ZHX2: variants seen among roughly 807,000 people sequenced by gnomAD.
ZHX2 encodes zinc fingers and homeoboxes 2, also known as zinc fingers and homeoboxes protein 2.
A neutral mutation model predicts 21.9 loss-of-function variants in ZHX2; 6 were observed. The observed-to-expected ratio is 0.27, with a 90% confidence interval of 0.15 to 0.54. The LOEUF (loss-of-function observed/expected upper bound fraction) is 0.54, where lower values mean the gene tolerates loss of function less well. ZHX2 is among the 20% of genes least tolerant of loss of function. The pLI is 0.95. For missense variants in ZHX2, 908 were observed against 1,090.7 expected, an observed-to-expected ratio of 0.83 and a Z score of 2.36; for synonymous variants, 434 against 437.1, an observed-to-expected ratio of 0.99 and a Z score of 0.09.
At chr8:122,966,770 T>C (rs1348806946) in intron 3 of ZHX2, among the ~76,000 whole-genome samples, 3 of 152,230 alleles carry the variant, frequency 2.0e-5, no homozygotes, top group African/African-American at 7.2e-5. Context: ...AAGATTTCTC[T>C]TCTTCCTCAG....
intron 2 of ZHX2, among the ~76,000 whole-genome samples, chr8:122,942,918 A>G (rs949697950): frequency 6.6e-6 from 1 of 152,106 alleles, no homozygotes; most frequent in African/African-American, 2.4e-5. Context: ...CTGTACCTTA[A>G]AGCTTGCTGC....
intron 2 of ZHX2, among the ~76,000 whole-genome samples, chr8:122,875,284 T>A (rs1819545624): frequency 6.6e-6 from 1 of 150,980 alleles, no homozygotes; most frequent in Non-Finnish European, 1.5e-5. Flanking sequence ...GTGTGGCCTG[T>A]GGGCTAAGAA....
intron 2 of ZHX2, among the ~76,000 whole-genome samples, chr8:122,940,168 T>C (rs1020902154): frequency 1.3e-5 from 2 of 152,294 alleles, no homozygotes; most frequent in African/African-American, 2.4e-5. Flanking sequence ...TAGTAAGTAA[T>C]GAAGCCAGGA....
At chr8:122,959,391 T>A (rs1244444834) in intron 3 of ZHX2, among the ~76,000 whole-genome samples, 2 of 150,860 alleles carry the variant, frequency 1.3e-5, no homozygotes, top group African/African-American at 4.9e-5. Flanking sequence ...TTTGAATGAA[T>A]GAATGAACGA....
chr8:122,792,893 C>T (rs1286269180), intron 1 of ZHX2, among the ~76,000 whole-genome samples: 15 of 152,290 alleles, frequency 9.8e-5, no homozygotes, highest in African/African-American at 2.2e-4. Context: ...TGATTCGCAG[C>T]GTACCTCACC....
chr8:122,930,846 G>T (rs1207309531), intron 2 of ZHX2, among the ~76,000 whole-genome samples: 1 of 151,960 alleles, frequency 6.6e-6, no homozygotes, highest in East Asian at 1.9e-4. Context: ...TCAGACCCAT[G>T]GGAAGTAGGG....
At chr8:122,853,393 C>G (rs1425937373) in intron 1 of ZHX2, among the ~76,000 whole-genome samples, 1 of 152,212 alleles carries the variant, frequency 6.6e-6, no homozygotes, top group Non-Finnish European at 1.5e-5. Flanking sequence ...CCAACACATG[C>G]AGACATCACA....
At chr8:122,819,241 A>G (rs920663299) in intron 1 of ZHX2, among the ~76,000 whole-genome samples, 1 of 152,160 alleles carries the variant, frequency 6.6e-6, no homozygotes, top group Non-Finnish European at 1.5e-5. Context: ...CCACCTACCC[A>G]CGAGGTCACC....
At chr8:122,795,493 A>G (rs753783751) in intron 1 of ZHX2, among the ~76,000 whole-genome samples, 3 of 152,116 alleles carry the variant, frequency 2.0e-5, no homozygotes, top group Non-Finnish European at 4.4e-5. Context: ...TTTGTGGCAC[A>G]TAGAGCAATA....
At chr8:122,946,343 C>T (rs957490559) in intron 2 of ZHX2, among the ~76,000 whole-genome samples, 5 of 152,136 alleles carry the variant, frequency 3.3e-5, no homozygotes, top group Non-Finnish European at 7.4e-5. Context: ...ATATTTCTTG[C>T]AGATCCACCA....
chr8:122,806,573 G>A (rs940765920), intron 1 of ZHX2, among the ~76,000 whole-genome samples: 2 of 152,182 alleles, frequency 1.3e-5, no homozygotes, highest in African/African-American at 4.8e-5. Context: ...TGATTACAGA[G>A]AAGAGTACAG....
chr8:122,852,844 T>C (rs1350020873), intron 1 of ZHX2, among the ~76,000 whole-genome samples: 1 of 152,132 alleles, frequency 6.6e-6, no homozygotes, highest in Non-Finnish European at 1.5e-5. Context: ...CTTGCCTCGG[T>C]GGTTTGTAAA....
intron 2 of ZHX2, among the ~76,000 whole-genome samples, chr8:122,943,381 T>G (rs1453785946): frequency 6.6e-6 from 1 of 152,246 alleles, no homozygotes; most frequent in Non-Finnish European, 1.5e-5. Context: ...CGTATCCCAG[T>G]TTTACTGCTC....
chr8:122,911,030 G>A (rs964274864), intron 2 of ZHX2, among the ~76,000 whole-genome samples: 2 of 152,172 alleles, frequency 1.3e-5, no homozygotes, highest in African/African-American at 4.8e-5. Context: ...GAAAACAATA[G>A]GAGGTGTTGT....
intron 3 of ZHX2, among the ~76,000 whole-genome samples, chr8:122,971,808 G>C (rs569398072): frequency 3.3e-4 from 50 of 152,058 alleles, no homozygotes; most frequent in Admixed American, 2.4e-3. Context: ...TCTAGATCTT[G>C]GGAGGAGACA....
At chr8:122,934,646 CCTTCTTTA>C (rs1026367996) in intron 2 of ZHX2, among the ~76,000 whole-genome samples, 18 of 149,208 alleles carry the variant, frequency 1.2e-4, no homozygotes, top group Admixed American at 2.0e-4. Context: ...TTCCTTCCTT[CCTTCTTTA>C]TTACCTTCCT....
intron 1 of ZHX2, among the ~76,000 whole-genome samples, chr8:122,811,353 C>T (rs1029942903): frequency 2.6e-5 from 4 of 152,162 alleles, no homozygotes; most frequent in African/African-American, 4.8e-5. Flanking sequence ...TGCACTCCAG[C>T]CTGGGTGACA....
chr8:122,856,724 A>G (rs115364654), intron 1 of ZHX2, among the ~76,000 whole-genome samples: 35 of 152,266 alleles, frequency 2.3e-4, no homozygotes, highest in African/African-American at 8.2e-4. Flanking sequence ...AGATCGCCCT[A>G]TGGTGGCCCT....
chr8:122,894,219 A>G (rs1160608066), intron 2 of ZHX2, among the ~76,000 whole-genome samples: 2 of 152,230 alleles, frequency 1.3e-5, no homozygotes, highest in Non-Finnish European at 2.9e-5. Flanking sequence ...GGTGCTAGGC[A>G]ATGCCAGTTG....
Sources: gnomAD v4.1 joint callset for allele counts (sites outside exome capture counted in the v4.1 genomes callset) on GRCh38, gnomAD v4.1.1 for gene constraint, MANE v1.5 for transcripts, NCBI Gene and HGNC (gene_info 2026-07-23, HGNC 2026-07-21) for gene names.